FBXO36: variants seen among roughly 807,000 people sequenced by gnomAD.
FBXO36 encodes the protein F-box protein 36.
FBXO36 carries 18 observed loss-of-function variants against 17.0 expected under a neutral mutation model. The ratio of observed to expected loss-of-function variants is 1.06; its 90% CI spans 0.73 to 1.57. FBXO36 has a LOEUF of 1.57. Ranked by LOEUF, FBXO36 falls within the 40% of genes most tolerant of loss-of-function variation. The probability of loss-of-function intolerance (pLI) is 0.00; values close to 1 mark genes in which losing one functional copy is unlikely to be tolerated. For missense variants in FBXO36, 229 were observed against 221.9 expected, an observed-to-expected ratio of 1.03 and a Z score of -0.20; for synonymous variants, 83 against 85.3, an observed-to-expected ratio of 0.97 and a Z score of 0.15.
intron 1 of FBXO36, among the ~76,000 whole-genome samples, chr2:229,957,868 T>C (rs1246132916): frequency 1.3e-5 from 2 of 152,152 alleles, no homozygotes; most frequent in Non-Finnish European, 2.9e-5. Flanking sequence ...TCAAGAAACT[T>C]GGGCAAAATT....
At chr2:229,947,332 C>T (rs953860703) in intron 1 of FBXO36, among the ~76,000 whole-genome samples, 1 of 152,106 alleles carries the variant, frequency 6.6e-6, no homozygotes, top group African/African-American at 2.4e-5. Context: ...TAATTCTAGG[C>T]AGGAGGGATT....
At chr2:229,924,712 T>G (rs2076896736) in intron 1 of FBXO36, among the ~76,000 whole-genome samples, 1 of 152,142 alleles carries the variant, frequency 6.6e-6, no homozygotes, top group African/African-American at 2.4e-5. Flanking sequence ...CTGTTGTTGG[T>G]GTTCTTCAGA....
chr2:229,994,886 C>T (rs537865797), intron 2 of FBXO36, among the ~76,000 whole-genome samples: 6 of 152,190 alleles, frequency 3.9e-5, no homozygotes, highest in African/African-American at 9.6e-5. Flanking sequence ...GAGGCTGAGG[C>T]GGGTGGATCA....
intron 1 of FBXO36, among the ~76,000 whole-genome samples, chr2:229,940,728 A>AT (rs1217257241): frequency 3.9e-5 from 6 of 152,260 alleles, no homozygotes; most frequent in Non-Finnish European, 7.3e-5. Context: ...ATTGCCAAAG[A>AT]TTTTCAGCAA....
At chr2:229,924,345 G>A (rs957723028) in intron 1 of FBXO36, among the ~76,000 whole-genome samples, 13 of 152,068 alleles carry the variant, frequency 8.5e-5, no homozygotes, top group African/African-American at 3.1e-4. Flanking sequence ...CAGCTGCCTC[G>A]GCCTCCCAAA....
chr2:229,952,275 A>C (rs571194894), intron 1 of FBXO36, among the ~76,000 whole-genome samples: 35 of 152,106 alleles, frequency 2.3e-4, no homozygotes, highest in Non-Finnish European at 4.9e-4. Context: ...TCCTTGCCTT[A>C]GGGGAGTTTC....
At chr2:229,930,359 T>A (rs2076932966) in intron 1 of FBXO36, among the ~76,000 whole-genome samples, 1 of 152,172 alleles carries the variant, frequency 6.6e-6, no homozygotes, top group South Asian at 2.1e-4. Context: ...AAATAATTAC[T>A]TTCCTCATCT....
chr2:229,947,758 C>T (rs1173810437), intron 1 of FBXO36, among the ~76,000 whole-genome samples: 1 of 152,040 alleles, frequency 6.6e-6, no homozygotes, highest in African/African-American at 2.4e-5. Context: ...ACTAGTGCCA[C>T]CAAAATAAGG....
intron 1 of FBXO36, among the ~76,000 whole-genome samples, chr2:229,974,551 T>C (rs35069102): frequency 0.05 from 7,645 of 152,230 alleles, 254 homozygotes; most frequent in Non-Finnish European, 0.072. Flanking sequence ...GCCAACAGAT[T>C]GTACAGGCAT....
intron 2 of FBXO36, among the ~76,000 whole-genome samples, chr2:229,983,230 C>T (rs1462682440): frequency 1.3e-5 from 2 of 152,008 alleles, no homozygotes; most frequent in Non-Finnish European, 2.9e-5. Context: ...ACAAAATTAG[C>T]CAAGCGTGGT....
At chr2:229,954,153 C>T (rs1191747027) in intron 1 of FBXO36, among the ~76,000 whole-genome samples, 1 of 151,066 alleles carries the variant, frequency 6.6e-6, no homozygotes, top group Non-Finnish European at 1.5e-5. Context: ...TGTGAGCTAC[C>T]ACACTCAACC....
At chr2:229,983,174 G>A (rs183174859) in intron 2 of FBXO36, among the ~76,000 whole-genome samples, 2,620 of 151,986 alleles carry the variant, frequency 0.017, 62 homozygotes, top group Admixed American at 0.05. Flanking sequence ...CCGGGAGTTC[G>A]AGACCAGCCT....
In FBXO36 at chr2:229,922,608, A is replaced by G. The variant is rs1379443271; in HGVS notation, c.95A>G (p.Gln32Arg). The G allele has an allele frequency of 8.7e-6, 14 of 1,613,794 alleles. No individual in the cohort carries two copies. Among genetic ancestry groups the G allele is most frequent in the African/African-American group, 1.3e-5 (1 of 74,932 alleles). Residue 32 changes from glutamine to arginine, a missense_variant and splice_region_variant, in exon 1 of 4, where the codon CAG becomes CGG. Gln to Arg is a conservative substitution (Grantham distance 43, BLOSUM62 1). Coordinates refer to ENST00000283946, the MANE Select transcript of FBXO36 (RefSeq NM_174899.5). ...DYYQLLVTRS[Q>R]VIFRWWKISL... is the part of the protein sequence containing the mutation. ...TACCAGTTACTGGTCACCCGGTCTC[A>G]GGCAAGTGCGAGCCGCGGTTTACCC...
rs2077414408 is a variant in FBXO36 at position 230,011,332 on chromosome 2, G to A, written c.*448G>A. 1 of 155,200 alleles carries A rather than the reference G, an allele frequency of 6.4e-6. No individual in the cohort carries two copies. The highest frequency in any genetic ancestry group is 1.4e-5 in the Non-Finnish European group (1 of 69,962). 9.6% of individuals were successfully genotyped at this position (155,200 alleles called of 1,614,324 possible). On this transcript the variant is annotated 3_prime_UTR_variant, in exon 4 of 4. Transcript: ENST00000283946. ...AGCTGGTGGCTGAGTGTCCCCACCAGGAACTGTGAAGGGCACGTACCACGG... is the reference window on the plus strand; with the variant it reads ...AGCTGGTGGCTGAGTGTCCCCACCAAGAACTGTGAAGGGCACGTACCACGG...
intron 1 of FBXO36, among the ~76,000 whole-genome samples, chr2:229,970,238 G>A (rs543349010): frequency 1.3e-5 from 2 of 152,260 alleles, no homozygotes; most frequent in South Asian, 2.1e-4. Context: ...CTTTATTTGG[G>A]GCCGGGTGCA....
chr2:229,978,391 T>A (rs1050524971), intron 2 of FBXO36, among the ~76,000 whole-genome samples: 3 of 152,184 alleles, frequency 2.0e-5, no homozygotes, highest in Admixed American at 2.0e-4. Flanking sequence ...AAGACCAGCC[T>A]GGCCAAGACA....
chr2:229,962,513 AT>A (rs1050279473), intron 1 of FBXO36, among the ~76,000 whole-genome samples: 1 of 140,520 alleles, frequency 7.1e-6, no homozygotes, highest in Non-Finnish European at 1.5e-5. Context: ...ATTTTATTTT[AT>A]TTTATTTTAT....
Position 230,011,087 on chromosome 2 carries a change from A to G in FBXO36, c.*203A>G. 1 of 542,512 alleles carries G rather than the reference A, an allele frequency of 1.8e-6. No individual in the cohort carries two copies. Among genetic ancestry groups the G allele is most frequent in the Non-Finnish European group, 3.2e-6 (1 of 311,154 alleles). 33.6% of individuals were successfully genotyped at this position (542,512 alleles called of 1,614,324 possible). A position where few individuals can be genotyped will look rare whatever the true frequency, so the allele number is the denominator to read the frequency against. On this transcript the variant is annotated 3_prime_UTR_variant, in exon 4 of 4. Coordinates refer to ENST00000283946, the MANE Select transcript of FBXO36 (RefSeq NM_174899.5). Reference sequence around the variant, plus strand: ...TAGAGTCACCGTCATTCTGAGGTCAAATCATGGCCCGAGGACAAGGGCTGT... The same window carrying G: ...TAGAGTCACCGTCATTCTGAGGTCAGATCATGGCCCGAGGACAAGGGCTGT...
chr2:229,986,218 G>T (rs1160686948), intron 2 of FBXO36, among the ~76,000 whole-genome samples: 1 of 152,090 alleles, frequency 6.6e-6, no homozygotes, highest in African/African-American at 2.4e-5. Context: ...ACACAAAAAG[G>T]ACTGGGCAAT....
Sources: gnomAD v4.1 joint callset for allele counts (sites outside exome capture counted in the v4.1 genomes callset) on GRCh38, gnomAD v4.1.1 for gene constraint, MANE v1.5 for transcripts, NCBI Gene and HGNC (gene_info 2026-07-23, HGNC 2026-07-21) for gene names.